Variants in ATF7IP observed in about 807,000 individuals in gnomAD.
ATF7IP encodes the protein activating transcription factor 7-interacting protein 1.
In ATF7IP, 23 loss-of-function variants were observed where a neutral mutation model predicts 106.4. That is an observed-to-expected ratio of 0.22 (90% CI 0.16 to 0.31). ATF7IP has a LOEUF of 0.31. Among genes scored for constraint, ATF7IP ranks in the 10% least tolerant of loss-of-function variants. The probability of loss-of-function intolerance (pLI) is 1.00; values close to 1 mark genes in which losing one functional copy is unlikely to be tolerated. For missense variants in ATF7IP, 1,334 were observed against 1,524.3 expected (o/e 0.88, Z 2.08); for synonymous variants, 542 against 539.0 (o/e 1.01, Z -0.08).
At chr12:14,477,630 AG>A (rs1182466543) in intron 11 of ATF7IP, among the ~76,000 whole-genome samples, 7 of 152,182 alleles carry the variant, frequency 4.6e-5, no homozygotes. Context: ...ACATTCCTAA[AG>A]CACACTGTTT....
At chr12:14,443,421 T>G (rs1056714864) in intron 5 of ATF7IP, among the ~76,000 whole-genome samples, 1 of 152,194 alleles carries the variant, frequency 6.6e-6, no homozygotes, top group African/African-American at 2.4e-5. Context: ...AGCATAGATT[T>G]CTCTTAAGAA....
chr12:14,477,712 A>G (rs1737728715), intron 11 of ATF7IP, among the ~76,000 whole-genome samples: 1 of 152,200 alleles, frequency 6.6e-6, no homozygotes, highest in African/African-American at 2.4e-5. Context: ...ATTCTATAGG[A>G]CAGAAATTGA....
At chr12:14,398,031 GTTA>G (rs755093043) in intron 1 of ATF7IP, among the ~76,000 whole-genome samples, 11 of 152,012 alleles carry the variant, frequency 7.2e-5, no homozygotes, top group Admixed American at 2.0e-4. Flanking sequence ...CAATTGTTAC[GTTA>G]TTATGTTTTC....
At position 14,424,536 on chromosome 12, in the gene ATF7IP, T is replaced by C. The variant is rs559051739; in HGVS notation, c.621T>C (p.Ser207=). 3 of 1,614,228 alleles carry C rather than the reference T, an allele frequency of 1.9e-6. No individual in the cohort carries two copies. In the South Asian group the frequency reaches 3.3e-5, roughly 18 times the overall value. The change falls in exon 2 of 15, where the codon AGT becomes AGC. Residue 207 remains serine (S), a synonymous_variant. Transcript: ENST00000261168. ...DDLSSGDPTS[S]DPIPGEPVPV... is the part of the protein sequence containing the mutation. ...TCTCCTCTGGTGATCCCACCTCTAG[T>C]GATCCCATCCCAGGTGAACCGGTCC...
intron 12 of ATF7IP, among the ~76,000 whole-genome samples, chr12:14,479,427 AT>A (rs1201101939): frequency 6.6e-6 from 1 of 152,156 alleles, no homozygotes; most frequent in Non-Finnish European, 1.5e-5. Context: ...TGTCTTCTGT[AT>A]AGCAGCAGTC....
intron 2 of ATF7IP, among the ~76,000 whole-genome samples, chr12:14,428,531 T>C (rs1198535946): frequency 6.6e-6 from 1 of 152,224 alleles, no homozygotes; most frequent in African/African-American, 2.4e-5. Flanking sequence ...CTGTTGCATG[T>C]CATTTATGTT....
intron 1 of ATF7IP, among the ~76,000 whole-genome samples, chr12:14,366,800 C>G (rs1459884218): frequency 1.3e-5 from 2 of 151,928 alleles, no homozygotes; most frequent in Middle Eastern, 3.2e-3. Flanking sequence ...CATCCATTAC[C>G]CTGAGGCCTC....
intron 11 of ATF7IP, among the ~76,000 whole-genome samples, chr12:14,477,132 G>A (rs2136795066): frequency 6.6e-6 from 1 of 152,238 alleles, no homozygotes; most frequent in South Asian, 2.1e-4. Context: ...ATAATATCAT[G>A]TGCTGAGTTA....
At chr12:14,457,772 A>T (rs183237040) in intron 8 of ATF7IP, among the ~76,000 whole-genome samples, 1 of 152,302 alleles carries the variant, frequency 6.6e-6, no homozygotes, top group East Asian at 1.9e-4. Context: ...ACAGAAATTT[A>T]AAAATGTTTT....
intron 12 of ATF7IP, 40 bp downstream of exon 12, chr12:14,478,512 C>A (rs756173528): frequency 6.2e-7 from 1 of 1,608,022 alleles, no homozygotes. Flanking sequence ...TTTGGTTTTG[C>A]CTGTAGAGAA....
At chr12:14,488,945 TACTC>T (rs1298801949) in intron 13 of ATF7IP, among the ~76,000 whole-genome samples, 2 of 152,188 alleles carry the variant, frequency 1.3e-5, no homozygotes, top group Non-Finnish European at 2.9e-5. Context: ...AAGGAGGAAA[TACTC>T]ATGACAATTA....
intron 1 of ATF7IP, among the ~76,000 whole-genome samples, chr12:14,385,882 T>A (rs1939213704): frequency 6.6e-6 from 1 of 152,274 alleles, no homozygotes; most frequent in South Asian, 2.1e-4. Flanking sequence ...AAAAAATTTT[T>A]AATACTGTCC....
chr12:14,484,799 A>T (rs1337335752), intron 13 of ATF7IP, among the ~76,000 whole-genome samples: 2 of 152,098 alleles, frequency 1.3e-5, no homozygotes, highest in African/African-American at 4.8e-5. Flanking sequence ...GCTTGAGCCC[A>T]ATCACGTATA....
chr12:14,391,150 CAA>C (rs1487668740), intron 1 of ATF7IP, among the ~76,000 whole-genome samples: 27 of 152,174 alleles, frequency 1.8e-4, no homozygotes, highest in African/African-American at 5.8e-4. Flanking sequence ...AGAACTCTCA[CAA>C]AGAGTTCTCT....
chr12:14,470,646 G>A (rs74843052), intron 10 of ATF7IP, among the ~76,000 whole-genome samples: 6,493 of 152,226 alleles, frequency 0.043, 495 homozygotes, highest in African/African-American at 0.15. Flanking sequence ...AGTAGAGCTA[G>A]AGCTAGTACT....
intron 1 of ATF7IP, among the ~76,000 whole-genome samples, chr12:14,385,709 AT>A (rs1282504064): frequency 2.0e-5 from 3 of 152,068 alleles, no homozygotes; most frequent in Non-Finnish European, 4.4e-5. Flanking sequence ...TGTGTTTGGT[AT>A]TTATTTGTAG....
chr12:14,459,527 G>A (rs746134776), intron 8 of ATF7IP, among the ~76,000 whole-genome samples: 1 of 152,180 alleles, frequency 6.6e-6, no homozygotes, highest in Non-Finnish European at 1.5e-5. Context: ...TTGTACTAAA[G>A]CATCAGAAGT....
rs1178662811 is a variant in ATF7IP at position 14,446,974 on chromosome 12, T to TTC, written c.1930-13_1930-12insCT. 1 of 1,549,150 alleles carries TTC rather than the reference T, an allele frequency of 6.5e-7. No homozygotes were observed. The highest frequency in any genetic ancestry group is 1.3e-5 in the South Asian group (1 of 79,108). On this transcript the variant is annotated splice_polypyrimidine_tract_variant and intron_variant, in intron 5 of 14. Transcript: ENST00000261168. The stretch of plus-strand genomic sequence containing the variant: ...TTGATTTCCATTCATTTTTGTCTTT[T>TTC]TTTTTTTTTTCAGGCCAAGATAGCC...
chr12:14,451,846 C>G (rs1416793981), intron 6 of ATF7IP, among the ~76,000 whole-genome samples: 1 of 152,114 alleles, frequency 6.6e-6, no homozygotes, highest in Non-Finnish European at 1.5e-5. Flanking sequence ...TTGATCCAAG[C>G]TTATCCTATG....
Sources: gnomAD v4.1 joint callset for allele counts (sites outside exome capture counted in the v4.1 genomes callset) on GRCh38, gnomAD v4.1.1 for gene constraint, MANE v1.5 for transcripts, NCBI Gene and HGNC (gene_info 2026-07-23, HGNC 2026-07-21) for gene names.